The following CENPK variants were observed in gnomAD, a reference collection of about 807,000 sequenced individuals.
CENPK encodes centromere protein K.
CENPK carries 46 observed loss-of-function variants against 40.9 expected under a neutral mutation model. That is an observed-to-expected ratio of 1.13 (90% CI 0.89 to 1.44). CENPK has a LOEUF of 1.44. CENPK is among the 40% of genes most tolerant of loss of function. The pLI is 0.00. For synonymous variants in CENPK, 107 were observed against 104.4 expected, an observed-to-expected ratio of 1.02 and a Z score of -0.15; for missense variants, 288 against 303.5, an observed-to-expected ratio of 0.95 and a Z score of 0.38.
intron 6 of CENPK, among the ~76,000 whole-genome samples, chr5:65,536,398 G>T (rs1746900869): frequency 6.6e-6 from 1 of 152,112 alleles, no homozygotes; most frequent in African/African-American, 2.4e-5. Flanking sequence ...AGGACTGCTT[G>T]AGACCAGGAA....
chr5:65,517,233 G>A (rs1366155449), downstream of CENPK, among the ~76,000 whole-genome samples: 9 of 152,246 alleles, frequency 5.9e-5, no homozygotes, highest in East Asian at 1.9e-4. Context: ...ATGAGCCACC[G>A]TGTCTGGCTC....
chr5:65,561,455 C>T lies in CENPK; in HGVS notation c.-40+8G>A, dbSNP rs1317542218. On this transcript the variant is annotated splice_region_variant and intron_variant, in intron 2 of 10. Transcript: ENST00000396679. The stretch of plus-strand genomic sequence containing the variant: ...ACATATAGAAACATTTAAGAGTTTG[C>T]TCTCTACCGCTTGAGGATGCAAGAT... 2 of 451,518 alleles carry T rather than the reference C, an allele frequency of 4.4e-6. No individual in the cohort carries two copies. Among genetic ancestry groups the T allele is most frequent in the Non-Finnish European group, 8.9e-6 (2 of 224,780 alleles). The allele number at this position is 451,518 out of a possible 1,614,324, so 28.0% of individuals were successfully genotyped here.
the CENPK span, among the ~76,000 whole-genome samples, chr5:65,502,771 C>T: frequency 6.6e-6 from 1 of 151,506 alleles, no homozygotes; most frequent in Non-Finnish European, 1.5e-5. Flanking sequence ...GTTCTTAAGT[C>T]TTCTAACCAA....
At chr5:65,550,136 C>T (rs866709044) in intron 5 of CENPK, among the ~76,000 whole-genome samples, 7 of 144,010 alleles carry the variant, frequency 4.9e-5, no homozygotes, top group South Asian at 4.5e-4. Flanking sequence ...CCACTGCACT[C>T]CAGCCTGAGG....
At chr5:65,528,236 G>T (rs1041285437) in intron 9 of CENPK, among the ~76,000 whole-genome samples, 1 of 151,880 alleles carries the variant, frequency 6.6e-6, no homozygotes, top group African/African-American at 2.4e-5. Flanking sequence ...GAGAGACTCT[G>T]TCCCCCCGCC....
chr5:65,526,941 A>C (rs1561628278), intron 9 of CENPK, among the ~76,000 whole-genome samples: 3 of 152,010 alleles, frequency 2.0e-5, no homozygotes, highest in Non-Finnish European at 4.4e-5. Flanking sequence ...AAATACAAAA[A>C]AATTAACTGG....
the CENPK span, among the ~76,000 whole-genome samples, chr5:65,504,574 G>T: frequency 6.6e-6 from 1 of 151,264 alleles, no homozygotes; most frequent in Non-Finnish European, 1.5e-5. Context: ...TTGTGCATAT[G>T]ATATCAATGT....
chr5:65,538,604 C>T (rs987066935), intron 6 of CENPK, among the ~76,000 whole-genome samples: 15 of 152,096 alleles, frequency 9.9e-5, no homozygotes, highest in Non-Finnish European at 1.9e-4. Context: ...CTTCATTCCT[C>T]GTAAGTTTTA....
intron 6 of CENPK, among the ~76,000 whole-genome samples, chr5:65,536,631 A>AAT (rs918180812): frequency 1.1e-4 from 15 of 136,776 alleles, no homozygotes; most frequent in African/African-American, 3.5e-4. Context: ...TCAAAGAAAA[A>AAT]ATATATATAT....
At chr5:65,497,743 G>A in the CENPK span, among the ~76,000 whole-genome samples, 26 of 152,266 alleles carry the variant, frequency 1.7e-4, 1 homozygote, top group East Asian at 2.9e-3. Flanking sequence ...AGTGGCTCAC[G>A]CCTGTAATTC....
chr5:65,532,206 T>C (rs778937450), intron 6 of CENPK, among the ~76,000 whole-genome samples: 5 of 152,136 alleles, frequency 3.3e-5, no homozygotes, highest in Non-Finnish European at 7.4e-5. Flanking sequence ...TATGACTGGC[T>C]CCAGAGAAAT....
chr5:65,552,605 C>G, intron 3 of CENPK, 56 bp from the exon 4 acceptor site: 3 of 1,038,856 alleles, frequency 2.9e-6, no homozygotes, highest in Non-Finnish European at 2.8e-6. Flanking sequence ...CAGAAAATTC[C>G]CTTCCCCTCT....
the CENPK span, among the ~76,000 whole-genome samples, chr5:65,502,338 C>T: frequency 4.6e-5 from 7 of 152,134 alleles, no homozygotes; most frequent in African/African-American, 1.7e-4. Context: ...CTGCTGTGTC[C>T]CTCTTTGTGT....
chr5:65,556,650 T>A (rs1417859734), intron 2 of CENPK, among the ~76,000 whole-genome samples: 5 of 152,198 alleles, frequency 3.3e-5, no homozygotes, highest in Non-Finnish European at 7.4e-5. Context: ...ATAAATTTAG[T>A]ATAGCCTAAG....
intron 9 of CENPK, among the ~76,000 whole-genome samples, chr5:65,526,610 A>G (rs892927846): frequency 6.6e-6 from 1 of 152,208 alleles, no homozygotes; most frequent in African/African-American, 2.4e-5. Flanking sequence ...GCATGGGGAT[A>G]AAGGGAGAGA....
Position 65,529,023 on chromosome 5 carries a change from G to T in CENPK, c.372-6C>A, listed in dbSNP as rs79197620. 1 of 1,597,870 alleles carries T rather than the reference G, an allele frequency of 6.3e-7. No individual in the cohort carries two copies. The highest frequency in any genetic ancestry group is 8.6e-7 in the Non-Finnish European group (1 of 1,167,414). ...CATCCAACCACCGTTGTTCCCTTTC[G>T]ACATGGAAAAACAATACAAGCAATA... is the stretch of plus-strand genomic sequence containing the variant. On this transcript the variant is annotated splice_region_variant and splice_polypyrimidine_tract_variant and intron_variant, in intron 7 of 10. Coordinates refer to ENST00000396679, the MANE Select transcript of CENPK (RefSeq NM_022145.5).
downstream of CENPK, among the ~76,000 whole-genome samples, chr5:65,517,122 TAGTAAA>T (rs1742916327): frequency 6.6e-6 from 1 of 152,074 alleles, no homozygotes; most frequent in Non-Finnish European, 1.5e-5. Flanking sequence ...TTGGTATTTT[TAGTAAA>T]GACAGGGTTT....
chr5:65,522,854 A>G (rs1336147506), intron 9 of CENPK, among the ~76,000 whole-genome samples: 1 of 152,310 alleles, frequency 6.6e-6, no homozygotes. Flanking sequence ...GTGTGATTTG[A>G]CTACCAAAGA....
At chr5:65,496,328 C>T in the CENPK span, among the ~76,000 whole-genome samples, 1 of 152,148 alleles carries the variant, frequency 6.6e-6, no homozygotes, top group African/African-American at 2.4e-5. Context: ...TACATAAAGA[C>T]ATTGATCACG....
Sources: gnomAD v4.1 joint callset for allele counts (sites outside exome capture counted in the v4.1 genomes callset) on GRCh38, gnomAD v4.1.1 for gene constraint, MANE v1.5 for transcripts, NCBI Gene and HGNC (gene_info 2026-07-23, HGNC 2026-07-21) for gene names.